Variants in ADAMTS6 observed in about 807,000 individuals in gnomAD.
The protein encoded by ADAMTS6 is A disintegrin and metalloproteinase with thrombospondin motifs 6.
ADAMTS6 carries 23 observed loss-of-function variants against 144.3 expected under a neutral mutation model. The observed-to-expected ratio is 0.16, with a 90% CI of 0.11 to 0.23. The LOEUF (loss-of-function observed/expected upper bound fraction) is 0.23. Among genes scored for constraint, ADAMTS6 ranks in the 10% least tolerant of loss-of-function variants. ADAMTS6 has a pLI of 1.00. For missense variants in ADAMTS6, 999 were observed against 1,379.6 expected (o/e 0.72, Z 4.37); for synonymous variants, 444 against 457.5 (o/e 0.97, Z 0.38).
intron 3 of ADAMTS6, among the ~76,000 whole-genome samples, chr5:65,466,761 G>C (rs1760037690): frequency 6.6e-6 from 1 of 152,328 alleles, no homozygotes; most frequent in Non-Finnish European, 1.5e-5. Context: ...GAACAGAATA[G>C]GCCGGGCGCG....
chr5:65,313,263 G>T (rs2112850298), intron 9 of ADAMTS6, among the ~76,000 whole-genome samples: 1 of 151,326 alleles, frequency 6.6e-6, no homozygotes, highest in South Asian at 2.1e-4. Context: ...CCATACTATG[G>T]CAAAAGCCTA....
chr5:65,171,487 C>T (rs1286736329), intron 23 of ADAMTS6, among the ~76,000 whole-genome samples: 7 of 152,238 alleles, frequency 4.6e-5, no homozygotes, highest in East Asian at 3.9e-4. Flanking sequence ...CAACAATTCC[C>T]GGCAAGGCTG....
chr5:65,476,391 T>C (rs994267543), intron 1 of ADAMTS6, among the ~76,000 whole-genome samples: 1 of 152,198 alleles, frequency 6.6e-6, no homozygotes, highest in Non-Finnish European at 1.5e-5. Context: ...ACTAAGTTTG[T>C]GGTAATTTGT....
At chr5:65,394,556 A>G (rs1269043466) in intron 7 of ADAMTS6, among the ~76,000 whole-genome samples, 6 of 152,246 alleles carry the variant, frequency 3.9e-5, no homozygotes, top group African/African-American at 1.4e-4. Flanking sequence ...ATAATGAATA[A>G]TAACATGGAT....
At chr5:65,344,247 T>C (rs187229512) in intron 7 of ADAMTS6, among the ~76,000 whole-genome samples, 58 of 152,074 alleles carry the variant, frequency 3.8e-4, no homozygotes, top group African/African-American at 1.3e-3. Context: ...CAACAGATTA[T>C]AACATCTGTC....
chr5:65,333,141 T>C (rs985303321), intron 8 of ADAMTS6, among the ~76,000 whole-genome samples: 2 of 152,110 alleles, frequency 1.3e-5, no homozygotes, highest in African/African-American at 2.4e-5. Context: ...GATAAGAAAA[T>C]TGAGACTTGT....
intron 11 of ADAMTS6, among the ~76,000 whole-genome samples, chr5:65,291,060 T>C (rs1339169285): frequency 2.0e-5 from 3 of 152,174 alleles, no homozygotes; most frequent in Admixed American, 2.0e-4. Flanking sequence ...GCATCATAAA[T>C]TCAAGATTTA....
chr5:65,224,182 T>A (rs1757545281), intron 18 of ADAMTS6, 138 bp downstream of exon 18: 4 of 682,508 alleles, frequency 5.9e-6, no homozygotes, highest in African/African-American at 3.6e-5. Context: ...ATATGTGTTC[T>A]ATAAAACTTA....
At chr5:65,444,380 T>C (rs1376711625) in intron 7 of ADAMTS6, among the ~76,000 whole-genome samples, 1 of 152,112 alleles carries the variant, frequency 6.6e-6, no homozygotes, top group African/African-American at 2.4e-5. Flanking sequence ...CACAAAAAGC[T>C]ATTAAAACCA....
chr5:65,279,195 T>G (rs993587420), intron 11 of ADAMTS6, among the ~76,000 whole-genome samples: 1 of 152,216 alleles, frequency 6.6e-6, no homozygotes, highest in South Asian at 2.1e-4. Context: ...TCCTCCTGCC[T>G]TGGTCTCTCA....
At chr5:65,458,896 A>G (rs1368825512) in intron 4 of ADAMTS6, among the ~76,000 whole-genome samples, 2 of 152,164 alleles carry the variant, frequency 1.3e-5, no homozygotes, top group Non-Finnish European at 2.9e-5. Flanking sequence ...GATAGCTACA[A>G]TTTGATTGGG....
intron 11 of ADAMTS6, among the ~76,000 whole-genome samples, chr5:65,287,524 TTA>T (rs1393642344): frequency 2.6e-5 from 4 of 152,158 alleles, no homozygotes; most frequent in Non-Finnish European, 5.9e-5. Flanking sequence ...TATATAATAA[TTA>T]TGATTTGTTT....
At chr5:65,433,046 C>T (rs1319997368) in intron 7 of ADAMTS6, among the ~76,000 whole-genome samples, 3 of 152,086 alleles carry the variant, frequency 2.0e-5, no homozygotes, top group East Asian at 3.8e-4. Flanking sequence ...TTCTTTCTCA[C>T]CTTTTCCATA....
chr5:65,447,367 GT>G (rs1758350419), intron 7 of ADAMTS6, among the ~76,000 whole-genome samples: 2 of 152,054 alleles, frequency 1.3e-5, no homozygotes, highest in Non-Finnish European at 2.9e-5. Flanking sequence ...CCTTAATAAA[GT>G]ATGGGAGGCA....
intron 7 of ADAMTS6, among the ~76,000 whole-genome samples, chr5:65,400,849 C>T (rs1220571481): frequency 6.6e-6 from 1 of 152,168 alleles, no homozygotes; most frequent in African/African-American, 2.4e-5. Flanking sequence ...CCCATCAAGG[C>T]ATTCTTCATT....
At chr5:65,263,103 G>T in intron 12 of ADAMTS6, 141 bp from the exon 13 acceptor site, 1 of 1,059,728 alleles carries the variant, frequency 9.4e-7, no homozygotes, top group Non-Finnish European at 1.4e-6. Flanking sequence ...TTCTCTAACT[G>T]TGTTTAGACA....
chr5:65,284,421 A>T lies in ADAMTS6; in HGVS notation c.1512+6908T>A, dbSNP rs571234129. ...CATATTTTTATTCAAGGCTTACTGA[A>T]TAATTTTTCAATAATAAATTGGCCT... is the stretch of plus-strand genomic sequence containing the variant. On this transcript the variant is annotated intron_variant, in intron 11 of 24. Transcript: ENST00000381055. 2.6e-5 allele frequency among the ~76,000 whole-genome samples: 4 copies of T among 152,200 alleles called. No individual in the cohort carries two copies. The South Asian group carries it at 8.3e-4, about 32-fold the overall frequency.
chr5:65,183,960 AG>A (rs1754519454), intron 22 of ADAMTS6, among the ~76,000 whole-genome samples: 1 of 152,226 alleles, frequency 6.6e-6, no homozygotes, highest in Admixed American at 6.5e-5. Flanking sequence ...TTTAGGTAGC[AG>A]GGTAGAAGAT....
chr5:65,203,281 C>T (rs527249778), intron 20 of ADAMTS6, among the ~76,000 whole-genome samples: 61 of 152,196 alleles, frequency 4.0e-4, no homozygotes, highest in African/African-American at 1.3e-3. Context: ...CTCAGCAACT[C>T]GGGAGGCTGA....
Sources: allele counts gnomAD v4.1 joint callset (sites outside exome capture counted in the v4.1 genomes callset), GRCh38; gene constraint gnomAD v4.1.1; transcripts MANE v1.5; gene names NCBI Gene and HGNC (gene_info 2026-07-23, HGNC 2026-07-21).